EEF2KMT: variants seen among roughly 807,000 people sequenced by gnomAD.
The protein encoded by EEF2KMT is eukaryotic elongation factor 2 lysine methyltransferase.
Under a neutral mutation model 35.1 loss-of-function variants are expected in EEF2KMT, and 30 were observed. That is an observed-to-expected ratio of 0.85 (90% CI 0.64 to 1.16). The LOEUF (loss-of-function observed/expected upper bound fraction) is 1.16, where lower values mean the gene tolerates loss of function less well. Ranked by LOEUF, EEF2KMT falls within the 50% of genes most tolerant of loss-of-function variation. The probability of loss-of-function intolerance (pLI) is 0.00; values close to 1 mark genes in which losing one functional copy is unlikely to be tolerated. For synonymous variants in EEF2KMT, 190 were observed against 187.7 expected (o/e 1.01, Z -0.10); for missense variants, 499 against 438.2 (o/e 1.14, Z -1.24).
At chr16:5,086,224 A>G (rs956077603) in intron 7 of EEF2KMT, among the ~76,000 whole-genome samples, 1 of 151,720 alleles carries the variant, frequency 6.6e-6, no homozygotes, top group African/African-American at 2.4e-5. Context: ...AATCCCAGCT[A>G]CTTGGGAGGC....
intron 2 of EEF2KMT, among the ~76,000 whole-genome samples, chr16:5,094,959 C>T (rs867766394): frequency 6.6e-6 from 1 of 152,164 alleles, no homozygotes; most frequent in African/African-American, 2.4e-5. Flanking sequence ...ACTTGGCCCT[C>T]AAGGCCAAGG....
chr16:5,088,266 GA>G (rs1446569551), intron 7 of EEF2KMT, among the ~76,000 whole-genome samples: 2 of 150,882 alleles, frequency 1.3e-5, no homozygotes, highest in African/African-American at 4.9e-5. Flanking sequence ...GTTGTGGGGG[GA>G]CTCTGTCGTG....
intron 4 of EEF2KMT, among the ~76,000 whole-genome samples, 156 bp downstream of exon 4, chr16:5,091,638 C>A (rs1957342253): frequency 6.6e-6 from 1 of 152,222 alleles, no homozygotes; most frequent in Non-Finnish European, 1.5e-5. Flanking sequence ...GCCTGATTTA[C>A]AGACAGGGAA....
At chr16:5,087,179 A>G (rs960913766) in intron 7 of EEF2KMT, 2 of 152,240 alleles carry the variant, frequency 1.3e-5, no homozygotes, top group Non-Finnish European at 2.9e-5. Context: ...TGGGCCACGC[A>G]TAAAATACAC....
At chr16:5,095,384 T>C in intron 2 of EEF2KMT, 68 bp downstream of exon 2, 1 of 1,605,556 alleles carries the variant, frequency 6.2e-7, no homozygotes, top group Non-Finnish European at 8.5e-7. Flanking sequence ...CCTGCAGTTC[T>C]TCTCTCAGGT....
chr16:5,089,161 C>G lies in EEF2KMT; in HGVS notation c.838G>C (p.Val280Leu), dbSNP rs1047462. 1 of 1,612,168 alleles carries G rather than the reference C, an allele frequency of 6.2e-7. No homozygotes were observed. The highest frequency in any genetic ancestry group is 8.5e-7 in the Non-Finnish European group (1 of 1,179,872). Residue 280 changes from valine (V) to leucine (L), a missense_variant, in exon 7 of 8, where the codon GTG (valine) becomes CTG (leucine). Physicochemically the swap from Val to Leu is conservative, Grantham distance 32. Coordinates refer to ENST00000427587, the MANE Select transcript of EEF2KMT (RefSeq NM_201400.4). Reference protein sequence around the residue: ...REHQRAPEVYVAFTVRNPETC... With the variant: ...REHQRAPEVYLAFTVRNPETC... ...TCTGGGTTGCGGACGGTAAAGGCCA[C>G]GTAGACCTCAGGAGCCCGCTGGTGC...
Position 5,084,969 on chromosome 16 carries a change from G to A in EEF2KMT, c.*663C>T. On this transcript the variant is annotated 3_prime_UTR_variant, in exon 8 of 8. Coordinates refer to ENST00000427587, the MANE Select transcript of EEF2KMT (RefSeq NM_201400.4). ...GTCTCAGGGCAAACCCTTTCGAGCA[G>A]CACCTCCCAGTGGCCAGAAGCTGAA... The A allele has an allele frequency of 6.3e-7, 1 of 1,590,782 alleles. No homozygotes were observed. The highest frequency in any genetic ancestry group is 8.5e-7 in the Non-Finnish European group (1 of 1,174,752).
At chr16:5,087,238 A>G (rs1345968226) in intron 7 of EEF2KMT, 1 of 152,178 alleles carries the variant, frequency 6.6e-6, no homozygotes, top group South Asian at 2.1e-4. Context: ...TCACAAAAAA[A>G]CCTCGTACTG....
Position 5,095,571 on chromosome 16 carries a change from C to A in EEF2KMT, c.97-57G>T, listed in dbSNP as rs112847927. The A allele has an allele frequency of 6.3e-5, 101 of 1,608,122 alleles. 1 individual carries two copies. The highest frequency in any genetic ancestry group is 8.0e-5 in the Non-Finnish European group (94 of 1,176,884). ...GGCGCATTCACAGGAACATTAAACA[C>A]GCAATAGAATGTGTTGGCAAAGCGC... On this transcript the variant is annotated intron_variant, in intron 1 of 7. Coordinates refer to ENST00000427587, the MANE Select transcript of EEF2KMT (RefSeq NM_201400.4).
In EEF2KMT at chr16:5,095,661, G is replaced by C. The variant is rs148594424; in HGVS notation, c.97-147C>G. On this transcript the variant is annotated intron_variant, in intron 1 of 7. Transcript: ENST00000427587. ...TGGAAGCCACAGCGGCTGAAAGCCT[G>C]ACATTCAGATGTCGCAGGGTGCACC... 5.9e-4 allele frequency: 774 copies of C among 1,314,418 alleles called. 8 individuals carry two copies. In the African/African-American group the frequency reaches 0.01, roughly 17 times the overall value. 81.4% of individuals were successfully genotyped at this position (1,314,418 alleles called of 1,614,324 possible).
rs183921852 is a variant in EEF2KMT at position 5,089,367 on chromosome 16, A to G, written c.743-111T>C. The G allele has an allele frequency of 1.3e-3, 1,903 of 1,426,102 alleles. 19 individuals are homozygous for G. The African/African-American group carries it at 0.024, about 18-fold the overall frequency. 88.3% of individuals were successfully genotyped at this position (1,426,102 alleles called of 1,614,324 possible). On this transcript the variant is annotated intron_variant, in intron 6 of 7. Coordinates refer to ENST00000427587, the MANE Select transcript of EEF2KMT (RefSeq NM_201400.4). ...GGCAGCGGTCATATGAGACTAGTAG[A>G]TGCCATTTGACCATTTGGGCCATTA...
At chr16:5,097,570 G>A (rs1186724984) in intron 1 of EEF2KMT, 74 bp downstream of exon 1, 2 of 1,525,646 alleles carry the variant, frequency 1.3e-6, no homozygotes, top group Admixed American at 2.0e-5. Flanking sequence ...AGGGGCTTCA[G>A]CACGGAGACC....
chr16:5,096,615 C>G (rs1373558421), intron 1 of EEF2KMT, among the ~76,000 whole-genome samples: 2 of 152,162 alleles, frequency 1.3e-5, no homozygotes, highest in Non-Finnish European at 2.9e-5. Flanking sequence ...CAGTCACTTG[C>G]CCAAGGTCAC....
At chr16:5,089,496 T>TA (rs1234475904) in intron 6 of EEF2KMT, 1 of 614,062 alleles carries the variant, frequency 1.6e-6, no homozygotes, top group African/African-American at 1.8e-5. Flanking sequence ...TGGTGTTCCT[T>TA]AAAAAACCAG....
chr16:5,096,607 G>A (rs1957472626), intron 1 of EEF2KMT, among the ~76,000 whole-genome samples: 1 of 152,316 alleles, frequency 6.6e-6, no homozygotes, highest in African/African-American at 2.4e-5. Context: ...GAGAGATGCA[G>A]TCACTTGCCC....
chr16:5,092,582 T>A (rs571927161), intron 3 of EEF2KMT, among the ~76,000 whole-genome samples: 1 of 152,368 alleles, frequency 6.6e-6, no homozygotes, highest in South Asian at 2.1e-4. Flanking sequence ...AAAGTGTGGC[T>A]CTTTCACTCA....
At chr16:5,087,108 A>G (rs774484220) in intron 7 of EEF2KMT, 2 of 152,218 alleles carry the variant, frequency 1.3e-5, no homozygotes, top group Admixed American at 6.5e-5. Context: ...GTTAATGTGT[A>G]TATCAGGGAT....
At chr16:5,087,614 A>G (rs575642946) in intron 7 of EEF2KMT, among the ~76,000 whole-genome samples, 176 of 152,256 alleles carry the variant, frequency 1.2e-3, no homozygotes, top group African/African-American at 4.0e-3. Flanking sequence ...CCTGGCCAAC[A>G]TGGCGAAACC....
rs749209221 is a variant in EEF2KMT at position 5,090,431 on chromosome 16, C to T, written c.476+1G>A. Reference sequence around the variant, plus strand: ...TGCCCTGCCCTGCGCCCCGAGGTCACCTGTTAGTGAAGACTGCCGGGTTCT... The same window carrying T: ...TGCCCTGCCCTGCGCCCCGAGGTCATCTGTTAGTGAAGACTGCCGGGTTCT... On this transcript the variant is annotated splice_donor_variant, in intron 5 of 7. Transcript: ENST00000427587. LOFTEE classifies it high-confidence loss of function. The surrounding 1 kb of genome is among the most constrained non-coding windows in gnomAD (Gnocchi z 4.1). 38 of 1,611,840 alleles carry T rather than the reference C, an allele frequency of 2.4e-5. No homozygotes were observed. The highest frequency in any genetic ancestry group is 2.5e-5 in the Non-Finnish European group (30 of 1,179,856).
Sources: allele counts gnomAD v4.1 joint callset (sites outside exome capture counted in the v4.1 genomes callset), GRCh38; gene constraint gnomAD v4.1.1; non-coding constraint Gnocchi (gnomAD v3.1); transcripts MANE v1.5; gene names NCBI Gene and HGNC (gene_info 2026-07-23, HGNC 2026-07-21).